Variants in LETMD1 observed in about 807,000 individuals in gnomAD.
The protein encoded by LETMD1 is LETM1 domain-containing protein 1.
LETMD1 carries 30 observed loss-of-function variants against 43.9 expected under a neutral mutation model. The ratio of observed to expected loss-of-function variants is 0.68; its 90% CI spans 0.51 to 0.93. The LOEUF is 0.93. Ranked by LOEUF, LETMD1 falls within the 40% of genes least tolerant of loss-of-function variation. The pLI is 0.00. For synonymous variants in LETMD1, 176 were observed against 163.1 expected, an observed-to-expected ratio of 1.08 and a Z score of -0.60; for missense variants, 413 against 447.7, an observed-to-expected ratio of 0.92 and a Z score of 0.70.
At chr12:51,063,561 T>G, downstream of LETMD1, 1 of 486,208 alleles carries the variant, frequency 2.1e-6, no homozygotes, top group South Asian at 4.7e-5. Flanking sequence ...AAGGTAGGGC[T>G]GGTCTCCTTG....
At chr12:51,057,831 T>C (rs1814094628) in intron 7 of LETMD1, 3 of 593,822 alleles carry the variant, frequency 5.1e-6, no homozygotes, top group South Asian at 1.8e-5. Context: ...TTCACCATAT[T>C]GGCCAGGCTG....
chr12:51,061,003 T>C (rs11169690), downstream of LETMD1, among the ~76,000 whole-genome samples: 96,614 of 151,784 alleles, frequency 0.64, 32,224 homozygotes, highest in Non-Finnish European at 0.76. Flanking sequence ...CTGCTTCAGC[T>C]GAACAGGTAC....
chr12:51,051,473 C>T (rs1405484303), intron 2 of LETMD1, among the ~76,000 whole-genome samples: 6 of 151,418 alleles, frequency 4.0e-5, no homozygotes, highest in African/African-American at 1.2e-4. Flanking sequence ...TTTGGGAGGC[C>T]GAGGCAGGTG....
chr12:51,052,501 G>T (rs1268030568), intron 3 of LETMD1: 3 of 312,296 alleles, frequency 9.6e-6, no homozygotes, highest in Non-Finnish European at 1.8e-5. Context: ...TCTGCAAGGG[G>T]GCTGGGCGCG....
At chr12:51,058,232 A>G in intron 8 of LETMD1, 104 bp downstream of exon 8, 1 of 742,318 alleles carries the variant, frequency 1.3e-6, no homozygotes, top group South Asian at 1.5e-5. Flanking sequence ...AGACATATAT[A>G]TACATACATC....
intron 2 of LETMD1, among the ~76,000 whole-genome samples, chr12:51,051,787 C>T (rs1347640897): frequency 6.6e-6 from 1 of 152,118 alleles, no homozygotes; most frequent in Non-Finnish European, 1.5e-5. Flanking sequence ...TTTAGCAAGA[C>T]TTTCTGAAGT....
At chr12:51,060,901 C>CAAAAAA (rs35850463), downstream of LETMD1, among the ~76,000 whole-genome samples, 1 of 65,486 alleles carries the variant, frequency 1.5e-5, no homozygotes, top group African/African-American at 5.5e-5. Flanking sequence ...GATTCTGTCT[C>CAAAAAA]AAAAAAAAAA....
At chr12:51,068,450 A>G in the LETMD1 span, among the ~76,000 whole-genome samples, 18 of 152,104 alleles carry the variant, frequency 1.2e-4, no homozygotes, top group African/African-American at 4.3e-4. Context: ...AATTTACATA[A>G]TTTTAATTGA....
In LETMD1 at chr12:51,049,165, T is replaced by C. The variant is rs1417803419; in HGVS notation, c.254T>C (p.Leu85Pro). The C allele has an allele frequency of 3.1e-6, 5 of 1,612,066 alleles. No homozygotes were observed. In the African/African-American group the frequency reaches 6.7e-5, roughly 22 times the overall value. ...CGTCATTTCCCCCGCTTCTATGTCCTGTACACAATCTTCATGAAAGGTAAA... is the reference window on the plus strand; with the variant it reads ...CGTCATTTCCCCCGCTTCTATGTCCCGTACACAATCTTCATGAAAGGTAAA... ...LGRHFPRFYV[L>P]YTIFMKGLQM... The change falls in exon 2 of 9, where the codon CTG (leucine) becomes CCG (proline). Residue 85 changes from leucine (L) to proline (P), a missense_variant. Physicochemically the swap from Leu to Pro is moderately conservative, Grantham distance 98. Coordinates refer to ENST00000262055, the MANE Select transcript of LETMD1 (RefSeq NM_015416.5).
rs779590955 is a variant in LETMD1, at chr12:51,053,877, A to G, written c.473+17A>G. The G allele has an allele frequency of 6.6e-7, 1 of 1,523,318 alleles. No homozygotes were observed. Among genetic ancestry groups the G allele is most frequent in the Non-Finnish European group, 9.1e-7 (1 of 1,104,872 alleles). The allele number at this position is 1,523,318 out of a possible 1,614,324, so 94.4% of individuals were successfully genotyped here. On this transcript the variant is annotated intron_variant, in intron 4 of 8. Coordinates refer to ENST00000262055, the MANE Select transcript of LETMD1 (RefSeq NM_015416.5). ...CTTGCTAATGTGAGTACAGACTTCC[A>G]TCTCCCCAACATCTTGAAGATGTAT...
downstream of LETMD1, chr12:51,063,483 C>G (rs141806451): frequency 7.8e-6 from 2 of 257,698 alleles, no homozygotes; most frequent in Admixed American, 4.9e-5. Context: ...GTTCTTTGTT[C>G]CAGTGGCCCA....
rs777118756 is a variant in LETMD1 at position 51,056,160 on chromosome 12, A to G, written c.677A>G (p.His226Arg). The G allele has an allele frequency of 6.2e-7, 1 of 1,614,188 alleles. No homozygotes were observed. Among genetic ancestry groups the G allele is most frequent in the South Asian group, 1.1e-5 (1 of 91,082 alleles). The change falls in exon 6 of 9, where the codon CAC (histidine) becomes CGC (arginine). Residue 226 changes from histidine (H) to arginine (R), a missense_variant. Transcript: ENST00000262055. The stretch of plus-strand genomic sequence containing the variant: ...TCTTCCAAGATACAGCGTGGTACCC[A>G]CCCAGCAATACATGATATCTTGGCT... Reference protein sequence around the residue: ...DLCTKIQRGTHPAIHDILALR... With the variant: ...DLCTKIQRGTRPAIHDILALR...
Position 51,059,408 on chromosome 12 carries a change from A to G in LETMD1, c.1060A>G (p.Asn354Asp). 3.1e-6 allele frequency: 5 copies of G among 1,614,192 alleles called. No homozygotes were observed. The highest frequency in any genetic ancestry group is 4.2e-6 in the Non-Finnish European group (5 of 1,180,008). Residue 354 changes from asparagine to aspartate, a missense_variant, in exon 9 of 9, where the codon AAC becomes GAC. Coordinates refer to ENST00000262055, the MANE Select transcript of LETMD1 (RefSeq NM_015416.5). The part of the protein sequence containing the change: ...LLHNVVLLST[N>D]YLGTRR Reference sequence around the variant, plus strand: ...GCACAACGTGGTCCTGCTCTCCACCAACTACCTTGGGACAAGGCGCTGAAT... The same window carrying G: ...GCACAACGTGGTCCTGCTCTCCACCGACTACCTTGGGACAAGGCGCTGAAT...
intron 7 of LETMD1, chr12:51,057,643 TGAGACAGAG>T: frequency 5.9e-6 from 1 of 169,548 alleles, no homozygotes; most frequent in Non-Finnish European, 1.3e-5. Flanking sequence ...TTTTTTTTTT[TGAGACAGAG>T]TCTCGCTCTG....
downstream of LETMD1, chr12:51,061,297 T>C (rs1948821831): frequency 6.6e-6 from 1 of 152,634 alleles, no homozygotes; most frequent in African/African-American, 2.4e-5. Context: ...AAAAAATTAT[T>C]TTCAGAGAAC....
downstream of LETMD1, chr12:51,060,462 C>A (rs1566162938): frequency 2.0e-5 from 3 of 152,172 alleles, no homozygotes; most frequent in Admixed American, 2.0e-4. Context: ...TCTCCTTTTA[C>A]AAGACTGACA....
downstream of LETMD1, among the ~76,000 whole-genome samples, chr12:51,060,827 G>A (rs188420496): frequency 3.8e-4 from 57 of 151,464 alleles, no homozygotes; most frequent in African/African-American, 1.2e-3. Context: ...GCGTGAACCC[G>A]GGAGGCGGAG....
chr12:51,063,740 C>A, downstream of LETMD1: 1 of 1,531,478 alleles, frequency 6.5e-7, no homozygotes, highest in South Asian at 1.3e-5. Flanking sequence ...GGACCTCTAG[C>A]GCCTGTCACA....
chr12:51,058,942 C>G (rs1327534514), intron 8 of LETMD1: 3 of 199,792 alleles, frequency 1.5e-5, no homozygotes, highest in African/African-American at 2.3e-5. Flanking sequence ...TGACCAAACA[C>G]AAAGCATCTG....
Sources: gnomAD v4.1 joint callset for allele counts (sites outside exome capture counted in the v4.1 genomes callset) on GRCh38, gnomAD v4.1.1 for gene constraint, MANE v1.5 for transcripts, NCBI Gene and HGNC (gene_info 2026-07-23, HGNC 2026-07-21) for gene names.